FANCM: variants seen among roughly 807,000 people sequenced by gnomAD.
FANCM encodes FA complementation group M, also known as Fanconi anemia group M protein.
In FANCM, 140 loss-of-function variants were observed where a neutral mutation model predicts 199.5. The ratio of observed to expected loss-of-function variants is 0.70; its 90% CI spans 0.61 to 0.81. The LOEUF (loss-of-function observed/expected upper bound fraction) is 0.81. Ranked by LOEUF, FANCM falls within the 30% of genes least tolerant of loss-of-function variation. The pLI is 0.00. For missense variants in FANCM, 2,410 were observed against 2,421.4 expected (o/e 1.00, Z 0.10); for synonymous variants, 840 against 836.8 (o/e 1.00, Z -0.07).
Position 45,173,125 on chromosome 14 carries a change from T to C in FANCM, c.2231T>C (p.Leu744Ser). The change falls in exon 13 of 23, where the codon TTG becomes TCG. Residue 744 changes from leucine (L) to serine (S), a missense_variant. By Grantham distance (145) the Leu-to-Ser change is moderately radical. Coordinates refer to ENST00000267430, the MANE Select transcript of FANCM (RefSeq NM_020937.4). ...TGGAGACTGTGGCAAGATCATCCTT[T>C]GCCTACACATCAAGTTGATCACTCA... Reference protein sequence around the residue: ...SEWRLWQDHPLPTHQVDHSDR... With the variant: ...SEWRLWQDHPSPTHQVDHSDR... 1 of 1,612,354 alleles carries C rather than the reference T, an allele frequency of 6.2e-7. No individual in the cohort carries two copies. The highest frequency in any genetic ancestry group is 1.3e-5 in the African/African-American group (1 of 75,022).
chr14:45,138,978 A>G (rs1032873007), intron 2 of FANCM, among the ~76,000 whole-genome samples: 4 of 152,250 alleles, frequency 2.6e-5, no homozygotes, highest in Non-Finnish European at 5.9e-5. Context: ...CATGTGCCAT[A>G]TAACAACAAA....
intron 3 of FANCM, among the ~76,000 whole-genome samples, chr14:45,146,038 C>G (rs1427120111): frequency 4.1e-5 from 5 of 122,960 alleles, no homozygotes; most frequent in Non-Finnish European, 6.7e-5. Context: ...CAGCCTGGGC[C>G]ACAGAGCGAG....
intron 4 of FANCM, among the ~76,000 whole-genome samples, chr14:45,150,790 T>C (rs1163902130): frequency 6.6e-6 from 1 of 152,244 alleles, no homozygotes; most frequent in Non-Finnish European, 1.5e-5. Flanking sequence ...CTACTTTCTT[T>C]GTTCGCTTCT....
At chr14:45,172,295 T>A (rs529654081) in intron 12 of FANCM, among the ~76,000 whole-genome samples, 133 of 152,324 alleles carry the variant, frequency 8.7e-4, no homozygotes, top group African/African-American at 3.1e-3. Context: ...TTTGTTGCAT[T>A]TGCTTTTGGG....
chr14:45,137,423 TCTTCACTGC>T, intron 2 of FANCM, 182 bp downstream of exon 2: 1 of 609,906 alleles, frequency 1.6e-6, no homozygotes, highest in South Asian at 2.0e-5. Context: ...CAAATCAGTG[TCTTCACTGC>T]CTTTTGCTGT....
At chr14:45,147,808 G>T (rs1337371105) in intron 3 of FANCM, among the ~76,000 whole-genome samples, 1 of 151,518 alleles carries the variant, frequency 6.6e-6, no homozygotes, top group South Asian at 2.1e-4. Flanking sequence ...CAGGAGAATC[G>T]CTTGAACCCG....
intron 22 of FANCM, 99 bp from the exon 23 acceptor site, chr14:45,199,771 T>A: frequency 9.5e-7 from 1 of 1,051,466 alleles, no homozygotes; most frequent in Non-Finnish European, 1.5e-6. Flanking sequence ...TTGAGATGAT[T>A]TCCTTAAAGG....
chr14:45,176,365 G>C lies in FANCM; in HGVS notation c.3611G>C (p.Arg1204Pro), dbSNP rs867324948. ...CGTGATGCTAATAGTTTTAAATCTC[G>C]TGATCAGAGAGGTGTACAGGAAGAA... ...ITRDANSFKS[R>P]DQRGVQEEKV... The change falls in exon 14 of 23, where the codon CGT (arginine) becomes CCT (proline). Residue 1204 changes from arginine (R) to proline (P), a missense_variant. Coordinates refer to ENST00000267430, the MANE Select transcript of FANCM (RefSeq NM_020937.4). 6.2e-7 allele frequency: 1 copy of C among 1,613,086 alleles called. No homozygotes were observed. Among genetic ancestry groups the C allele is most frequent in the Non-Finnish European group, 8.5e-7 (1 of 1,179,862 alleles).
At chr14:45,158,656 G>A (rs1045637405) in intron 8 of FANCM, among the ~76,000 whole-genome samples, 3 of 152,014 alleles carry the variant, frequency 2.0e-5, no homozygotes, top group African/African-American at 7.3e-5. Context: ...GAAGGTAAAG[G>A]GAAATGATAG....
chr14:45,157,764 C>T lies in FANCM; in HGVS notation c.1397-1332C>T, dbSNP rs141594861. ...GGAACAGCTGCTTCTTCAAGTCCTA[C>T]GTTTTGTTTTTGTATTGTAAATTAA... On this transcript the variant is annotated intron_variant, in intron 8 of 22. Coordinates refer to ENST00000267430, the MANE Select transcript of FANCM (RefSeq NM_020937.4). 8.7e-3 allele frequency among the ~76,000 whole-genome samples: 1,327 copies of T among 152,252 alleles called. 8 individuals carry two copies. Among genetic ancestry groups the T allele is most frequent in the Middle Eastern group, 0.014 (4 of 294 alleles).
At chr14:45,182,277 CA>C (rs1889122120) in intron 16 of FANCM, among the ~76,000 whole-genome samples, 1 of 151,892 alleles carries the variant, frequency 6.6e-6, no homozygotes, top group Non-Finnish European at 1.5e-5. Context: ...AAGGAAGACC[CA>C]AAAGTGAGAA....
At chr14:45,153,846 C>T (rs754435739) in intron 5 of FANCM, 74 bp from the exon 6 acceptor site, 17 of 1,133,678 alleles carry the variant, frequency 1.5e-5, no homozygotes, top group Non-Finnish European at 2.3e-5. Flanking sequence ...CTGACTATGG[C>T]CTGACAACTT....
intron 8 of FANCM, among the ~76,000 whole-genome samples, chr14:45,158,646 G>A (rs1887364169): frequency 6.6e-6 from 1 of 152,178 alleles, no homozygotes; most frequent in Non-Finnish European, 1.5e-5. Context: ...GGCCATCTTA[G>A]AAGGTAAAGG....
At chr14:45,147,264 C>T (rs146854838) in intron 3 of FANCM, among the ~76,000 whole-genome samples, 1 of 152,192 alleles carries the variant, frequency 6.6e-6, no homozygotes, top group Non-Finnish European at 1.5e-5. Flanking sequence ...CCCCGCCCCC[C>T]CCAAAACCAA....
At chr14:45,169,073 C>T (rs1005104083) in intron 11 of FANCM, among the ~76,000 whole-genome samples, 1 of 151,884 alleles carries the variant, frequency 6.6e-6, no homozygotes, top group African/African-American at 2.4e-5. Flanking sequence ...AGGCACATGC[C>T]ACCACACCTG....
chr14:45,163,796 C>T (rs374300428), intron 9 of FANCM, among the ~76,000 whole-genome samples: 17 of 152,108 alleles, frequency 1.1e-4, no homozygotes, highest in Non-Finnish European at 1.9e-4. Context: ...CATTCAGTGA[C>T]GAACTTAAAT....
chr14:45,192,474 A>G (rs952576084), intron 20 of FANCM, among the ~76,000 whole-genome samples: 1 of 152,104 alleles, frequency 6.6e-6, no homozygotes, highest in African/African-American at 2.4e-5. Flanking sequence ...AAACTCCGTC[A>G]CTACTAAAAA....
intron 20 of FANCM, among the ~76,000 whole-genome samples, chr14:45,190,600 T>C (rs1889702347): frequency 6.6e-6 from 1 of 152,160 alleles, no homozygotes; most frequent in Non-Finnish European, 1.5e-5. Context: ...ACCACTATTC[T>C]GCTCTCTGCT....
At chr14:45,181,157 C>T (rs992037699) in intron 14 of FANCM, among the ~76,000 whole-genome samples, 6 of 152,074 alleles carry the variant, frequency 3.9e-5, no homozygotes, top group Non-Finnish European at 8.8e-5. Flanking sequence ...GTTTTTCTGG[C>T]CTCATTTCAG....
Sources: gnomAD v4.1 joint callset for allele counts (sites outside exome capture counted in the v4.1 genomes callset) on GRCh38, gnomAD v4.1.1 for gene constraint, MANE v1.5 for transcripts, NCBI Gene and HGNC (gene_info 2026-07-23, HGNC 2026-07-21) for gene names.